Variants in PRMT8 observed in about 807,000 individuals in gnomAD.
The protein encoded by PRMT8 is protein arginine methyltransferase 8.
PRMT8 carries 7 observed loss-of-function variants against 47.1 expected under a neutral mutation model. The ratio of observed to expected loss-of-function variants is 0.15; its 90% CI spans 0.08 to 0.28. The LOEUF (loss-of-function observed/expected upper bound fraction) is 0.28, where lower values mean the gene tolerates loss of function less well. Among genes scored for constraint, PRMT8 ranks in the 10% least tolerant of loss-of-function variants. PRMT8 has a pLI of 1.00. For synonymous variants in PRMT8, 188 were observed against 186.5 expected, an observed-to-expected ratio of 1.01 and a Z score of -0.07; for missense variants, 237 against 505.4, an observed-to-expected ratio of 0.47 and a Z score of 5.09.
At chr12:3,416,997 G>A (rs575826757) in intron 1 of PRMT8, among the ~76,000 whole-genome samples, 2 of 152,342 alleles carry the variant, frequency 1.3e-5, no homozygotes, top group East Asian at 1.9e-4. Context: ...TTTGGAAAGA[G>A]GGGCAACTTC....
chr12:3,540,615 C>CCCCCCGA lies in PRMT8; in HGVS notation c.90_91insGACCCCC (p.Ser31AspfsTer13). On this transcript the variant is annotated frameshift_variant, in exon 2 of 10. Coordinates refer to ENST00000382622, the MANE Select transcript of PRMT8 (RefSeq NM_019854.5). LOFTEE classifies it high-confidence loss of function. ...CTTCTCTTCCCCTCAGGTGAACAGC[C>CCCCCCGA]CCCCCTCCCAGCCCCCCCAGCCCGT... The CCCCCCGA allele has an allele frequency of 9.4e-7, 1 of 1,058,778 alleles. No homozygotes were observed. The highest frequency in any genetic ancestry group is 1.5e-6 in the Non-Finnish European group (1 of 684,576). The allele number at this position is 1,058,778 out of a possible 1,614,324, so 65.6% of individuals were successfully genotyped here. A position where few individuals can be genotyped will look rare whatever the true frequency, so the allele number is the denominator to read the frequency against.
In PRMT8 at chr12:3,579,100, C is replaced by T. The variant is rs542935504; in HGVS notation, c.828+2114C>T. On this transcript the variant is annotated intron_variant, in intron 7 of 9. Transcript: ENST00000382622. ...CCTAAACAAGAACAAGGAAAGTATG[C>T]CCCCAGCAAGAAGCTCACCCATAGT... Among the ~76,000 whole-genome samples, 3 of 152,290 alleles carry T rather than the reference C, an allele frequency of 2.0e-5. No individual in the cohort carries two copies. In the East Asian group the frequency reaches 5.8e-4, roughly 29 times the overall value.
chr12:3,491,832 CTGTGTGTGTGTG>C lies in PRMT8; in HGVS notation c.75+178_75+189del, dbSNP rs531683101. The C allele has an allele frequency of 1.8e-3, 978 of 536,274 alleles. 21 individuals carry two copies. The highest frequency in any genetic ancestry group is 0.012 in the African/African-American group (234 of 19,250). 33.2% of individuals were successfully genotyped at this position (536,274 alleles called of 1,614,324 possible). On this transcript the variant is annotated intron_variant, in intron 1 of 9. Transcript: ENST00000382622. ...CCCGCTCGCTTCTGCCGGCCTCCTC[CTGTGTGTGTGTG>C]TGTGTGTGTGTGTGTGTGTGTGTGT...
At chr12:3,455,688 G>C (rs751411543) in intron 1 of PRMT8, among the ~76,000 whole-genome samples, 3 of 152,174 alleles carry the variant, frequency 2.0e-5, no homozygotes, top group South Asian at 2.1e-4. Context: ...AGGGTCAGCG[G>C]GGGGTGGGGT....
chr12:3,460,419 G>T (rs1865027813), intron 1 of PRMT8, among the ~76,000 whole-genome samples: 1 of 152,178 alleles, frequency 6.6e-6, no homozygotes. Context: ...CCAGGCAGCT[G>T]GGCAGACTGC....
rs189801837 is a variant in PRMT8 at position 3,577,031 on chromosome 12, C to T, written c.828+45C>T. 5.1e-4 allele frequency: 783 copies of T among 1,523,036 alleles called. 4 individuals are homozygous for T. The East Asian group carries it at 0.013, about 25-fold the overall frequency. 94.3% of individuals were successfully genotyped at this position (1,523,036 alleles called of 1,614,324 possible). ...GTGGACCTGGGTGTGCTGGGAGCCC[C>T]GCTGTGCCACCCTGGAGTCCAGGCA... On this transcript the variant is annotated intron_variant, in intron 7 of 9. Coordinates refer to ENST00000382622, the MANE Select transcript of PRMT8 (RefSeq NM_019854.5).
chr12:3,486,254 G>A (rs1324452635), upstream of PRMT8, among the ~76,000 whole-genome samples: 2 of 151,966 alleles, frequency 1.3e-5, no homozygotes, highest in Non-Finnish European at 2.9e-5. Flanking sequence ...TTCTTGCAGG[G>A]CCTACCTGAC....
rs918458960 is a variant in PRMT8, at chr12:3,569,708, C to T, written c.712+144C>T. On this transcript the variant is annotated intron_variant, in intron 6 of 9. Coordinates refer to ENST00000382622, the MANE Select transcript of PRMT8 (RefSeq NM_019854.5). The surrounding 1 kb of genome is among the most constrained non-coding windows in gnomAD (Gnocchi z 8.2). ...GCTTATCTGGGACCCTTTCTGGAGT[C>T]TGCTCTCTAAATGTTTCTATCTAGT... 49 of 709,730 alleles carry T rather than the reference C, an allele frequency of 6.9e-5. No homozygotes were observed. The highest frequency in any genetic ancestry group is 7.6e-4 in the Middle Eastern group (2 of 2,636). The allele number at this position is 709,730 out of a possible 1,614,324, so 44.0% of individuals were successfully genotyped here.
At chr12:3,571,966 G>A (rs1866854580) in intron 6 of PRMT8, among the ~76,000 whole-genome samples, 1 of 152,216 alleles carries the variant, frequency 6.6e-6, no homozygotes, top group Non-Finnish European at 1.5e-5. Context: ...AATGAGGCAG[G>A]AGAGTGAGAC....
Position 3,410,796 on chromosome 12 carries a change from C to T in PRMT8, c.48+29354C>T, listed in dbSNP as rs561707592. ...TGCTGGGGTTACAGGCGTGAGCCACCGCACCCAGCTGCATTTTATTTGCTT... is the reference window on the plus strand; with the variant it reads ...TGCTGGGGTTACAGGCGTGAGCCACTGCACCCAGCTGCATTTTATTTGCTT... On this transcript the variant is annotated intron_variant, in intron 1 of 9. Coordinates refer to the PRMT8 transcript ENST00000452611. 1.6e-4 allele frequency among the ~76,000 whole-genome samples: 24 copies of T among 152,320 alleles called. No homozygotes were observed. The East Asian group carries it at 1.7e-3, about 11-fold the overall frequency.
At chr12:3,392,432 A>G (rs1246277104) in intron 1 of PRMT8, among the ~76,000 whole-genome samples, 3 of 141,414 alleles carry the variant, frequency 2.1e-5, no homozygotes, top group East Asian at 2.1e-4. Context: ...TCATTGTTCA[A>G]TTCCCACCTA....
rs74055678 is a variant in PRMT8, at chr12:3,386,269, G to A, written c.48+4827G>A. Among the ~76,000 whole-genome samples, 335 of 152,348 alleles carry A rather than the reference G, an allele frequency of 2.2e-3. 1 individual carries two copies. Among genetic ancestry groups the A allele is most frequent in the African/African-American group, 7.7e-3 (319 of 41,572 alleles). ...TGGTGTGGTTCCTCTTCCAGGAAGTGCTGCCATCTCTCTTTTGATTGAGAA... is the reference window on the plus strand; with the variant it reads ...TGGTGTGGTTCCTCTTCCAGGAAGTACTGCCATCTCTCTTTTGATTGAGAA... On this transcript the variant is annotated intron_variant, in intron 1 of 9. Transcript: ENST00000452611.
chr12:3,458,088 G>C (rs899454225), intron 1 of PRMT8, among the ~76,000 whole-genome samples: 5 of 152,064 alleles, frequency 3.3e-5, no homozygotes, highest in Non-Finnish European at 5.9e-5. Context: ...TGATCCGCCC[G>C]CCTCGGCCTC....
At chr12:3,408,957 A>G (rs1864399874) in intron 1 of PRMT8, among the ~76,000 whole-genome samples, 1 of 152,096 alleles carries the variant, frequency 6.6e-6, no homozygotes. Context: ...TTTTATCCAC[A>G]AGGGTGAGTT....
chr12:3,494,877 G>C (rs908869929), intron 1 of PRMT8, among the ~76,000 whole-genome samples: 2 of 152,170 alleles, frequency 1.3e-5, no homozygotes, highest in Admixed American at 1.3e-4. Context: ...TCATGGAATA[G>C]GGCAGGTATG....
chr12:3,579,687 A>T (rs980104059), intron 7 of PRMT8, among the ~76,000 whole-genome samples: 4 of 152,072 alleles, frequency 2.6e-5, no homozygotes, highest in African/African-American at 9.7e-5. Flanking sequence ...TGTTGGGAAA[A>T]CACTTGCCCT....
chr12:3,583,569 C>T lies in PRMT8; in HGVS notation c.979+361C>T, dbSNP rs1248350460. 6.6e-6 allele frequency among the ~76,000 whole-genome samples: 1 copy of T among 152,212 alleles called. No individual in the cohort carries two copies. The highest frequency in any genetic ancestry group is 1.5e-5 in the Non-Finnish European group (1 of 68,034). ...GATGGAGTTGAATAAGCCTAGTCTGCACTGCCATGCCTCTGTGCAGGACAC... is the reference window on the plus strand; with the variant it reads ...GATGGAGTTGAATAAGCCTAGTCTGTACTGCCATGCCTCTGTGCAGGACAC... On this transcript the variant is annotated intron_variant, in intron 8 of 9. Coordinates refer to ENST00000382622, the MANE Select transcript of PRMT8 (RefSeq NM_019854.5). This position sits in a 1 kb window ranked among gnomAD's most constrained non-coding sequence, Gnocchi z 4.7.
At chr12:3,465,361 T>G (rs1324963783) in intron 1 of PRMT8, among the ~76,000 whole-genome samples, 3 of 151,110 alleles carry the variant, frequency 2.0e-5, no homozygotes, top group African/African-American at 7.3e-5. Flanking sequence ...CTTTGTTCTC[T>G]GAACACACCT....
At chr12:3,442,733 ACTGCAACCTCCACCTCC>A (rs1864816408) in intron 1 of PRMT8, among the ~76,000 whole-genome samples, 1 of 152,154 alleles carries the variant, frequency 6.6e-6, no homozygotes, top group Non-Finnish European at 1.5e-5. Flanking sequence ...GTCTTGGCTC[ACTGCAACCTCCACCTCC>A]CGGATTCAAG....
Sources: allele counts gnomAD v4.1 joint callset (sites outside exome capture counted in the v4.1 genomes callset), GRCh38; gene constraint gnomAD v4.1.1; non-coding constraint Gnocchi (gnomAD v3.1); transcripts MANE v1.5; gene names NCBI Gene and HGNC (gene_info 2026-07-23, HGNC 2026-07-21).